Variants in TBC1D5 observed in about 807,000 individuals in gnomAD.
TBC1D5 encodes TBC1 domain family member 5.
In TBC1D5, 75 loss-of-function variants were observed where a neutral mutation model predicts 100.3. That is an observed-to-expected ratio of 0.75 (90% CI 0.62 to 0.91). TBC1D5 has a LOEUF of 0.91. Ranked by LOEUF, TBC1D5 falls within the 40% of genes least tolerant of loss-of-function variation. The pLI is 0.00. For synonymous variants in TBC1D5, 323 were observed against 325.6 expected (o/e 0.99, Z 0.09); for missense variants, 910 against 942.4 (o/e 0.97, Z 0.45).
At chr3:17,644,612 A>G (rs144917542) in intron 1 of TBC1D5, among the ~76,000 whole-genome samples, 183 of 152,284 alleles carry the variant, frequency 1.2e-3, no homozygotes, top group African/African-American at 4.2e-3. Context: ...CACATTCAAA[A>G]AACTACACAT....
chr3:17,612,283 G>C (rs1162279719), intron 2 of TBC1D5, among the ~76,000 whole-genome samples: 2 of 132,206 alleles, frequency 1.5e-5, no homozygotes, highest in African/African-American at 5.8e-5. Flanking sequence ...CTGGGTGACA[G>C]ACTAAGACAC....
At chr3:17,714,742 G>A (rs1321360114) in intron 1 of TBC1D5, among the ~76,000 whole-genome samples, 1 of 152,136 alleles carries the variant, frequency 6.6e-6, no homozygotes, top group Non-Finnish European at 1.5e-5. Flanking sequence ...GCTGATGCAG[G>A]AGGATCCCAT....
intron 16 of TBC1D5, among the ~76,000 whole-genome samples, chr3:17,246,841 T>C (rs961838220): frequency 3.9e-5 from 6 of 152,320 alleles, no homozygotes; most frequent in Admixed American, 2.0e-4. Flanking sequence ...TAACTCAGCA[T>C]ACCTGTGCTG....
At chr3:17,394,417 T>G (rs908247273) in intron 8 of TBC1D5, among the ~76,000 whole-genome samples, 1 of 152,112 alleles carries the variant, frequency 6.6e-6, no homozygotes, top group Non-Finnish European at 1.5e-5. Context: ...CAAGTTATAT[T>G]TGTTTATTCA....
At chr3:17,253,886 G>A (rs1044879725) in intron 16 of TBC1D5, among the ~76,000 whole-genome samples, 1 of 152,192 alleles carries the variant, frequency 6.6e-6, no homozygotes, top group Non-Finnish European at 1.5e-5. Context: ...TCAACCAAAT[G>A]CAGAGAGAGG....
intron 3 of TBC1D5, among the ~76,000 whole-genome samples, chr3:17,450,554 C>T (rs896508955): frequency 6.6e-6 from 1 of 151,970 alleles, no homozygotes; most frequent in Non-Finnish European, 1.5e-5. Flanking sequence ...CCCGATAGAG[C>T]TAAAAAACAC....
At chr3:17,384,407 T>A (rs115448093) in intron 8 of TBC1D5, among the ~76,000 whole-genome samples, 1 of 152,128 alleles carries the variant, frequency 6.6e-6, no homozygotes, top group South Asian at 2.1e-4. Context: ...ATTGTCATTC[T>A]TTTTCCTTGA....
intron 13 of TBC1D5, among the ~76,000 whole-genome samples, chr3:17,319,487 A>C (rs2085108009): frequency 6.6e-6 from 1 of 150,984 alleles, no homozygotes; most frequent in Non-Finnish European, 1.5e-5. Flanking sequence ...GTTTAACAAG[A>C]CGTACAATAA....
chr3:17,724,872 A>G (rs559745975), intron 1 of TBC1D5, among the ~76,000 whole-genome samples: 14 of 152,136 alleles, frequency 9.2e-5, no homozygotes, highest in African/African-American at 2.4e-4. Context: ...CTTCACTCAT[A>G]TATCTAGGTC....
chr3:17,200,492 G>A (rs183621395), intron 18 of TBC1D5, among the ~76,000 whole-genome samples: 1 of 152,364 alleles, frequency 6.6e-6, no homozygotes, highest in East Asian at 1.9e-4. Context: ...CTCCTTATGA[G>A]AATCTAATGT....
At chr3:17,548,209 G>C (rs557043785) in intron 2 of TBC1D5, among the ~76,000 whole-genome samples, 1 of 152,234 alleles carries the variant, frequency 6.6e-6, no homozygotes, top group African/African-American at 2.4e-5. Flanking sequence ...CAGCTACTCT[G>C]GAGGCTGAGG....
chr3:17,217,441 G>A (rs553517122), intron 17 of TBC1D5, among the ~76,000 whole-genome samples: 20 of 152,120 alleles, frequency 1.3e-4, no homozygotes, highest in Admixed American at 1.2e-3. Context: ...TTAACATTTC[G>A]AGAAACTGCC....
chr3:17,689,454 G>A (rs542391897), intron 1 of TBC1D5, among the ~76,000 whole-genome samples: 20 of 150,862 alleles, frequency 1.3e-4, no homozygotes, highest in African/African-American at 4.6e-4. Flanking sequence ...CTGGAGGATC[G>A]CTTGAGTTGG....
chr3:17,343,517 G>C (rs1318773751), intron 13 of TBC1D5, among the ~76,000 whole-genome samples: 1 of 139,228 alleles, frequency 7.2e-6, no homozygotes, highest in African/African-American at 2.7e-5. Flanking sequence ...ATTTTCTATT[G>C]ATTGGAATAG....
intron 21 of TBC1D5, among the ~76,000 whole-genome samples, chr3:17,166,305 G>A (rs989207858): frequency 6.6e-6 from 1 of 152,166 alleles, no homozygotes; most frequent in Non-Finnish European, 1.5e-5. Context: ...AGACATTAAT[G>A]AGAAGTCCCT....
intron 19 of TBC1D5, among the ~76,000 whole-genome samples, chr3:17,183,493 G>A (rs1270969172): frequency 1.3e-5 from 2 of 152,188 alleles, no homozygotes; most frequent in African/African-American, 4.8e-5. Flanking sequence ...TATTAAGAGA[G>A]TCTGTAAGAG....
At chr3:17,445,425 A>T (rs2094766534) in intron 3 of TBC1D5, among the ~76,000 whole-genome samples, 1 of 152,124 alleles carries the variant, frequency 6.6e-6, no homozygotes, top group African/African-American at 2.4e-5. Flanking sequence ...ATAAAAGTGA[A>T]ATAAAAAGAT....
At chr3:17,457,046 T>G (rs1336260293) in intron 3 of TBC1D5, among the ~76,000 whole-genome samples, 1 of 152,158 alleles carries the variant, frequency 6.6e-6, no homozygotes, top group Non-Finnish European at 1.5e-5. Flanking sequence ...GGGTAGAATC[T>G]TTTGCATTTG....
intron 13 of TBC1D5, among the ~76,000 whole-genome samples, chr3:17,308,965 T>C (rs372189332): frequency 3.9e-4 from 60 of 152,188 alleles, no homozygotes; most frequent in South Asian, 2.9e-3. Context: ...TTTTTATTCA[T>C]TTACCTCTAA....
Sources: gnomAD v4.1 joint callset for allele counts (sites outside exome capture counted in the v4.1 genomes callset) on GRCh38, gnomAD v4.1.1 for gene constraint, MANE v1.5 for transcripts, NCBI Gene and HGNC (gene_info 2026-07-23, HGNC 2026-07-21) for gene names.